Variants in TFEC observed in about 807,000 individuals in gnomAD.
The protein encoded by TFEC is transcription factor EC.
TFEC carries 31 observed loss-of-function variants against 41.6 expected under a neutral mutation model. The observed-to-expected ratio is 0.74, with a 90% CI of 0.56 to 1.01. The LOEUF is 1.01. Ranked by LOEUF, TFEC falls within the 50% of genes least tolerant of loss-of-function variation. TFEC has a pLI of 0.00. For missense variants in TFEC, 402 were observed against 404.1 expected (o/e 0.99, Z 0.04); for synonymous variants, 143 against 140.6 (o/e 1.02, Z -0.12).
chr7:116,123,753 CTCCTA>C (rs1314860494), intron 1 of TFEC, among the ~76,000 whole-genome samples: 10 of 152,102 alleles, frequency 6.6e-5, no homozygotes, highest in African/African-American at 2.2e-4. Flanking sequence ...TCCCCTACTA[CTCCTA>C]TCATGTTCAC....
At chr7:116,153,791 A>T (rs1222418416) in intron 1 of TFEC, among the ~76,000 whole-genome samples, 1 of 152,208 alleles carries the variant, frequency 6.6e-6, no homozygotes, top group African/African-American at 2.4e-5. Context: ...AGATTAGGAA[A>T]GTTAAAGAAA....
At chr7:115,973,595 C>T (rs1793233964) in intron 3 of TFEC, among the ~76,000 whole-genome samples, 1 of 152,080 alleles carries the variant, frequency 6.6e-6, no homozygotes, top group South Asian at 2.1e-4. Flanking sequence ...GGAGATAATA[C>T]ACTATCCCTT....
chr7:116,143,878 G>A (rs1420551860), intron 1 of TFEC, among the ~76,000 whole-genome samples: 3 of 152,122 alleles, frequency 2.0e-5, no homozygotes, highest in Non-Finnish European at 4.4e-5. Flanking sequence ...CATTTTCCTA[G>A]GTTTTTATAA....
chr7:116,097,956 AAAC>A (rs1173381115), intron 3 of TFEC, among the ~76,000 whole-genome samples: 3 of 152,210 alleles, frequency 2.0e-5, no homozygotes, highest in African/African-American at 7.2e-5. Flanking sequence ...GTGAGTGAAC[AAAC>A]AATAAATACA....
In TFEC at chr7:115,956,581, T is replaced by G. The variant is rs1584581354; in HGVS notation, c.382+98A>C. 6.3e-6 allele frequency: 4 copies of G among 631,976 alleles called. No homozygotes were observed. The East Asian group carries it at 1.4e-4, about 21-fold the overall frequency. 39.1% of individuals were successfully genotyped at this position (631,976 alleles called of 1,614,324 possible). A position where few individuals can be genotyped will look rare whatever the true frequency, so the allele number is the denominator to read the frequency against. On this transcript the variant is annotated intron_variant, in intron 4 of 7. Coordinates refer to ENST00000265440, the MANE Select transcript of TFEC (RefSeq NM_012252.4). ...TCTGCCTTCTTTTTTGTAACTGTTTTGTTATACTTTTAAAATCCTAGTTAG... is the reference window on the plus strand; with the variant it reads ...TCTGCCTTCTTTTTTGTAACTGTTTGGTTATACTTTTAAAATCCTAGTTAG...
At chr7:116,017,921 C>G (rs1193615400) in intron 1 of TFEC, among the ~76,000 whole-genome samples, 1 of 152,120 alleles carries the variant, frequency 6.6e-6, no homozygotes, top group Non-Finnish European at 1.5e-5. Flanking sequence ...TGACTACATT[C>G]TAAGCTGCTT....
chr7:116,013,653 A>G (rs1169621697), intron 1 of TFEC, among the ~76,000 whole-genome samples: 1 of 152,170 alleles, frequency 6.6e-6, no homozygotes, highest in Non-Finnish European at 1.5e-5. Context: ...TTTGATTGTA[A>G]TAGGGTATTC....
At chr7:115,963,953 G>A (rs1197712628) in intron 3 of TFEC, among the ~76,000 whole-genome samples, 1 of 151,532 alleles carries the variant, frequency 6.6e-6, no homozygotes, top group East Asian at 1.9e-4. Context: ...AAAACATAAT[G>A]GGATATACTA....
chr7:115,938,043 C>T lies in TFEC; in HGVS notation c.*2508G>A, dbSNP rs1476669150. The T allele has an allele frequency of 1.3e-5, 2 of 151,852 alleles. No homozygotes were observed. The highest frequency in any genetic ancestry group is 2.9e-5 in the Non-Finnish European group (2 of 67,858). The allele number at this position is 151,852 out of a possible 1,614,324, so 9.4% of individuals were successfully genotyped here. A position where few individuals can be genotyped will look rare whatever the true frequency, so the allele number is the denominator to read the frequency against. On this transcript the variant is annotated 3_prime_UTR_variant, in exon 8 of 8. Coordinates refer to ENST00000265440, the MANE Select transcript of TFEC (RefSeq NM_012252.4). ...TACCCTTTTTACAGTTCCCTGACAT[C>T]TCATAATCTGAATGTAGCAGCAAAT...
At chr7:115,979,923 T>C (rs1348354345) in intron 2 of TFEC, among the ~76,000 whole-genome samples, 4 of 152,170 alleles carry the variant, frequency 2.6e-5, no homozygotes, top group Admixed American at 1.3e-4. Flanking sequence ...CTGTCATCTG[T>C]TCATGTAGCA....
chr7:116,075,168 T>C (rs1796927817), intron 3 of TFEC, among the ~76,000 whole-genome samples: 1 of 152,222 alleles, frequency 6.6e-6, no homozygotes, highest in East Asian at 1.9e-4. Flanking sequence ...TATTGAATTG[T>C]ACACTTTACT....
intron 6 of TFEC, 150 bp downstream of exon 6, chr7:115,950,724 G>A (rs1415429691): frequency 1.8e-6 from 1 of 545,310 alleles, no homozygotes; most frequent in African/African-American, 2.0e-5. Flanking sequence ...GACTGGAATA[G>A]ACATTTTAAA....
At chr7:116,013,377 AAAG>A (rs937853451) in intron 1 of TFEC, among the ~76,000 whole-genome samples, 3 of 152,110 alleles carry the variant, frequency 2.0e-5, no homozygotes, top group African/African-American at 7.2e-5. Context: ...CTTTGGAATT[AAAG>A]AAGCACACTT....
At chr7:116,025,097 A>T (rs1449072501) in intron 1 of TFEC, among the ~76,000 whole-genome samples, 1 of 152,214 alleles carries the variant, frequency 6.6e-6, no homozygotes, top group African/African-American at 2.4e-5. Context: ...ATGAATTGGC[A>T]ATACATTTTG....
intron 1 of TFEC, among the ~76,000 whole-genome samples, chr7:116,015,620 GAAA>G (rs1795160797): frequency 6.6e-6 from 1 of 151,864 alleles, no homozygotes; most frequent in Non-Finnish European, 1.5e-5. Context: ...ACGAAAAAAA[GAAA>G]AAAGAAGACT....
chr7:115,950,498 AC>A (rs1227712835), intron 6 of TFEC, among the ~76,000 whole-genome samples: 1 of 152,114 alleles, frequency 6.6e-6, no homozygotes, highest in Non-Finnish European at 1.5e-5. Context: ...TTCTATTTTC[AC>A]TTGCACACAA....
intron 1 of TFEC, among the ~76,000 whole-genome samples, chr7:116,004,568 A>T (rs544354759): frequency 6.6e-6 from 1 of 152,312 alleles, no homozygotes. Flanking sequence ...TATGTGGAAA[A>T]TCTCAGTACC....
chr7:116,139,065 G>A (rs1371160059), intron 1 of TFEC, among the ~76,000 whole-genome samples: 2 of 152,192 alleles, frequency 1.3e-5, no homozygotes, highest in South Asian at 2.1e-4. Context: ...TGGGGTTGCC[G>A]TGGCAGATTG....
chr7:116,142,362 G>A (rs1798558489), intron 1 of TFEC, among the ~76,000 whole-genome samples: 1 of 152,140 alleles, frequency 6.6e-6, no homozygotes, highest in South Asian at 2.1e-4. Flanking sequence ...TAAGACTCGA[G>A]GTAGTGGACA....
Sources: gnomAD v4.1 joint callset for allele counts (sites outside exome capture counted in the v4.1 genomes callset) on GRCh38, gnomAD v4.1.1 for gene constraint, MANE v1.5 for transcripts, NCBI Gene and HGNC (gene_info 2026-07-23, HGNC 2026-07-21) for gene names.